The following RGS6 variants were observed in gnomAD, a reference collection of about 807,000 sequenced individuals.
The protein encoded by RGS6 is regulator of G-protein signaling 6.
In RGS6, 30 loss-of-function variants were observed where a neutral mutation model predicts 78.5. The ratio of observed to expected loss-of-function variants is 0.38; its 90% CI spans 0.29 to 0.52. RGS6 has a LOEUF of 0.52. Ranked by LOEUF, RGS6 falls within the 20% of genes least tolerant of loss-of-function variation. The pLI is 0.85. For synonymous variants in RGS6, 206 were observed against 206.0 expected, an observed-to-expected ratio of 1.00 and a Z score of 0.00; for missense variants, 495 against 609.7, an observed-to-expected ratio of 0.81 and a Z score of 1.98.
intron 2 of RGS6, among the ~76,000 whole-genome samples, chr14:72,318,772 T>G (rs1374492008): frequency 6.6e-6 from 1 of 152,056 alleles, no homozygotes; most frequent in African/African-American, 2.4e-5. Flanking sequence ...AGACTGGAAG[T>G]AGAAAACCTC....
chr14:72,527,057 T>A (rs2097129030), intron 15 of RGS6, among the ~76,000 whole-genome samples: 1 of 152,228 alleles, frequency 6.6e-6, no homozygotes, highest in Non-Finnish European at 1.5e-5. Flanking sequence ...GGGACCTTGT[T>A]TCCAAAGATG....
intron 2 of RGS6, among the ~76,000 whole-genome samples, chr14:72,308,828 T>G (rs2067875627): frequency 6.6e-6 from 1 of 152,184 alleles, no homozygotes; most frequent in Non-Finnish European, 1.5e-5. Context: ...AAAAGCCAGT[T>G]GGAGCCAGAA....
the RGS6 span, among the ~76,000 whole-genome samples, chr14:71,891,832 C>G: frequency 1.3e-5 from 2 of 152,104 alleles, no homozygotes; most frequent in South Asian, 4.1e-4. Flanking sequence ...CCCAGCACCT[C>G]CTTGTATTTT....
At chr14:72,612,993 C>CATGT in the RGS6 span, among the ~76,000 whole-genome samples, 1 of 148,852 alleles carries the variant, frequency 6.7e-6, no homozygotes, top group East Asian at 2.0e-4. Context: ...TTAAGTAGGG[C>CATGT]GTGTGTGTGT....
At chr14:72,591,592 G>T in the RGS6 span, among the ~76,000 whole-genome samples, 1 of 152,122 alleles carries the variant, frequency 6.6e-6, no homozygotes, top group African/African-American at 2.4e-5. Context: ...AGGTTTACTG[G>T]TGACTGCTTC....
At chr14:72,089,651 T>C (rs2095192200) in intron 2 of RGS6, among the ~76,000 whole-genome samples, 1 of 152,256 alleles carries the variant, frequency 6.6e-6, no homozygotes, top group Non-Finnish European at 1.5e-5. Context: ...AAAAAATATT[T>C]ACTAGAGTCA....
chr14:72,378,550 G>C (rs1295422166), intron 3 of RGS6, among the ~76,000 whole-genome samples: 1 of 152,006 alleles, frequency 6.6e-6, no homozygotes, highest in East Asian at 1.9e-4. Context: ...AGGATCGTTA[G>C]AGACTATAAT....
intron 2 of RGS6, among the ~76,000 whole-genome samples, chr14:71,968,702 G>A (rs1463099321): frequency 2.0e-5 from 3 of 152,140 alleles, no homozygotes; most frequent in African/African-American, 2.4e-5. Context: ...ACAGACTACT[G>A]TTACCACATT....
At chr14:72,417,989 G>A (rs144526784) in intron 3 of RGS6, among the ~76,000 whole-genome samples, 65 of 152,190 alleles carry the variant, frequency 4.3e-4, no homozygotes, top group African/African-American at 1.4e-3. Flanking sequence ...ACACTTGGGG[G>A]CAGAAAAACA....
At chr14:72,076,890 T>C (rs146420527) in intron 2 of RGS6, among the ~76,000 whole-genome samples, 53 of 151,502 alleles carry the variant, frequency 3.5e-4, no homozygotes, top group African/African-American at 1.2e-3. Context: ...AGTCAAATTA[T>C]TTTATATGCA....
chr14:72,619,505 G>T, the RGS6 span: 1 of 954,718 alleles, frequency 1.0e-6, no homozygotes, highest in Non-Finnish European at 1.6e-6. Context: ...CTGAAAACGT[G>T]CCAGAGTCTG....
In RGS6 at chr14:72,172,954, C is replaced by A. The variant is rs2097047468; in HGVS notation, c.85-179141C>A. On this transcript the variant is annotated intron_variant, in intron 2 of 17. Coordinates refer to ENST00000553525, the MANE Select transcript of RGS6 (RefSeq NM_001204424.2). ...CTTGCTCTAAAGCAGTAGTTCTGAACCAGGGATGAGTTTGCAGTAACTGGA... is the reference window on the plus strand; with the variant it reads ...CTTGCTCTAAAGCAGTAGTTCTGAAACAGGGATGAGTTTGCAGTAACTGGA... Among the ~76,000 whole-genome samples the A allele has an allele frequency of 3.3e-5, 5 of 152,178 alleles. No homozygotes were observed. The South Asian group carries it at 1.0e-3, about 31-fold the overall frequency.
intron 13 of RGS6, among the ~76,000 whole-genome samples, chr14:72,508,468 G>A (rs1187744875): frequency 5.9e-5 from 9 of 151,722 alleles, no homozygotes; most frequent in Admixed American, 2.0e-4. Context: ...TGGAGAGCAC[G>A]GTTATGGGAT....
chr14:71,876,887 T>C, the RGS6 span, among the ~76,000 whole-genome samples: 1 of 152,184 alleles, frequency 6.6e-6, no homozygotes, highest in Non-Finnish European at 1.5e-5. Flanking sequence ...ACAAAATCTC[T>C]CAGCATTTGC....
chr14:72,205,428 T>C (rs551831618), intron 2 of RGS6, among the ~76,000 whole-genome samples: 1 of 152,332 alleles, frequency 6.6e-6, no homozygotes, highest in East Asian at 1.9e-4. Flanking sequence ...AAAACTATTA[T>C]TTAAAATTTT....
At chr14:71,976,991 T>G (rs2094168572) in intron 2 of RGS6, among the ~76,000 whole-genome samples, 2 of 125,146 alleles carry the variant, frequency 1.6e-5, no homozygotes, top group South Asian at 2.9e-4. Flanking sequence ...GTGGTTTTGA[T>G]TTGCATTTCT....
At chr14:71,916,650 C>A in the RGS6 span, among the ~76,000 whole-genome samples, 1 of 152,154 alleles carries the variant, frequency 6.6e-6, no homozygotes, top group Non-Finnish European at 1.5e-5. Flanking sequence ...GATGGCACCA[C>A]TGAGGCATGA....
In RGS6 at chr14:71,935,228, T is replaced by C. The variant is rs193081391; in HGVS notation, c.-21+2287T>C. On this transcript the variant is annotated intron_variant, in intron 1 of 17. Coordinates refer to ENST00000553525, the MANE Select transcript of RGS6 (RefSeq NM_001204424.2). Reference sequence around the variant, plus strand: ...GATATAATATTTCAAAAAACAATTTTAACTTTTCCCCTGATTCCAAAAGTA... The same window carrying C: ...GATATAATATTTCAAAAAACAATTTCAACTTTTCCCCTGATTCCAAAAGTA... Among the ~76,000 whole-genome samples, 22 of 152,330 alleles carry C rather than the reference T, an allele frequency of 1.4e-4. No individual in the cohort carries two copies. The East Asian group carries it at 4.2e-3, about 29-fold the overall frequency.
chr14:72,037,242 A>G (rs937716873), intron 2 of RGS6, among the ~76,000 whole-genome samples: 3 of 152,196 alleles, frequency 2.0e-5, no homozygotes, highest in Non-Finnish European at 4.4e-5. Context: ...TGGCCACCCA[A>G]GCCAGCAGCA....
Sources: allele counts gnomAD v4.1 joint callset (sites outside exome capture counted in the v4.1 genomes callset), GRCh38; gene constraint gnomAD v4.1.1; transcripts MANE v1.5; gene names NCBI Gene and HGNC (gene_info 2026-07-23, HGNC 2026-07-21).